Variants in FRMPD4 observed in about 807,000 individuals in gnomAD.
FRMPD4 encodes the protein FERM and PDZ domain containing 4.
In FRMPD4, 22 loss-of-function variants were observed where a neutral mutation model predicts 94.1. That is an observed-to-expected ratio of 0.23 (90% CI 0.17 to 0.33). FRMPD4 has a LOEUF of 0.33. Ranked by LOEUF, FRMPD4 falls within the 10% of genes least tolerant of loss-of-function variation. The pLI is 1.00. For synonymous variants in FRMPD4, 631 were observed against 548.6 expected (o/e 1.15, Z -2.10); for missense variants, 1,111 against 1,339.9 (o/e 0.83, Z 2.67).
intron 1 of FRMPD4, among the ~76,000 whole-genome samples, chrX:12,191,912 G>A (rs2056496906): frequency 9.0e-6 from 1 of 111,713 alleles, no homozygotes; most frequent in Non-Finnish European, 1.9e-5. Flanking sequence ...TATATTGATT[G>A]TAATAAATGT....
At chrX:12,347,298 C>T (rs928619024) in intron 1 of FRMPD4, among the ~76,000 whole-genome samples, 6 of 111,012 alleles carry the variant, frequency 5.4e-5, no homozygotes, top group Admixed American at 9.6e-5. Flanking sequence ...AGTGCAGTGG[C>T]GTGACCATAG....
chrX:11,826,171 A>G (rs773369581), intron 1 of FRMPD4, among the ~76,000 whole-genome samples: 59 of 111,981 alleles, frequency 5.3e-4, no homozygotes, highest in African/African-American at 1.8e-3. Context: ...TTATTTTTGG[A>G]TAGTCCAGGA....
intron 2 of FRMPD4, among the ~76,000 whole-genome samples, chrX:12,578,413 T>G (rs957788292): frequency 2.7e-5 from 3 of 111,734 alleles, no homozygotes; most frequent in African/African-American, 9.8e-5. Flanking sequence ...CAGATCTAAG[T>G]TGGGGCACAG....
chrX:12,328,650 G>C (rs1003974461), intron 1 of FRMPD4, among the ~76,000 whole-genome samples: 2 of 112,339 alleles, frequency 1.8e-5, no homozygotes, highest in Non-Finnish European at 3.8e-5. Flanking sequence ...CTCTTATTCT[G>C]ATGCAGACCT....
chrX:12,671,627 C>G (rs1358784985), intron 4 of FRMPD4, among the ~76,000 whole-genome samples: 1 of 110,549 alleles, frequency 9.0e-6, no homozygotes, highest in African/African-American at 3.3e-5. Flanking sequence ...GGAGAAATAC[C>G]TAATGTAAAT....
chrX:12,401,864 A>G (rs899696925), intron 1 of FRMPD4, among the ~76,000 whole-genome samples: 2 of 111,743 alleles, frequency 1.8e-5, no homozygotes, highest in Non-Finnish European at 3.8e-5. Flanking sequence ...TGTAGGAGCT[A>G]TTGTTCTCAA....
intron 3 of FRMPD4, among the ~76,000 whole-genome samples, chrX:12,025,369 G>T (rs1479111766): frequency 8.2e-5 from 9 of 109,757 alleles, no homozygotes; most frequent in South Asian, 4.0e-4. Context: ...TATCTCAGAG[G>T]CCATTCAAGG....
intron 2 of FRMPD4, among the ~76,000 whole-genome samples, chrX:12,549,040 T>C (rs1157648544): frequency 9.0e-6 from 1 of 111,674 alleles, no homozygotes; most frequent in Non-Finnish European, 1.9e-5. Flanking sequence ...TCTACTTCTT[T>C]GAAAAACTTC....
chrX:12,657,129 C>T (rs868301976), intron 4 of FRMPD4, among the ~76,000 whole-genome samples: 1 of 109,942 alleles, frequency 9.1e-6, no homozygotes, highest in Non-Finnish European at 1.9e-5. Flanking sequence ...GAGCTTAAAT[C>T]AACAACATTA....
chrX:11,957,443 T>C (rs953713165), intron 3 of FRMPD4, among the ~76,000 whole-genome samples: 2 of 111,409 alleles, frequency 1.8e-5, no homozygotes, highest in African/African-American at 3.3e-5. Flanking sequence ...CATATGCCTA[T>C]AGTCCCAGCT....
At chrX:12,432,243 G>A (rs1441915564) in intron 1 of FRMPD4, among the ~76,000 whole-genome samples, 1 of 112,189 alleles carries the variant, frequency 8.9e-6, no homozygotes, top group Admixed American at 9.4e-5. Flanking sequence ...TTCCCCTCCA[G>A]CACCTGCTAA....
intron 3 of FRMPD4, among the ~76,000 whole-genome samples, chrX:11,886,261 A>AT (rs2053844576): frequency 8.9e-6 from 1 of 112,138 alleles, no homozygotes; most frequent in Non-Finnish European, 1.9e-5. Flanking sequence ...GTTTTTGAAG[A>AT]TTTTTAAGGT....
At chrX:12,105,628 A>G (rs1054506364) in intron 3 of FRMPD4, among the ~76,000 whole-genome samples, 1 of 112,779 alleles carries the variant, frequency 8.9e-6, no homozygotes, top group Admixed American at 9.4e-5. Flanking sequence ...GATGATAACA[A>G]TACAGGCTCA....
chrX:12,064,702 A>T (rs2054907939), intron 3 of FRMPD4, among the ~76,000 whole-genome samples: 1 of 112,059 alleles, frequency 8.9e-6, no homozygotes, highest in Admixed American at 9.5e-5. Context: ...CCAGATTATT[A>T]TGTGATTCTT....
Position 12,394,634 on chromosome X carries a change from TCTCCCTTCCTTCACCCGC to T in FRMPD4, c.42-104039_42-104022del, listed in dbSNP as rs1358756934. Among the ~76,000 whole-genome samples the T allele has an allele frequency of 2.7e-5, 3 of 111,524 alleles. No homozygotes were observed. The East Asian group carries it at 8.4e-4, about 31-fold the overall frequency. On this transcript the variant is annotated intron_variant, in intron 1 of 16. Coordinates refer to ENST00000675598, the MANE Select transcript of FRMPD4 (RefSeq NM_001368397.1). The stretch of plus-strand genomic sequence containing the variant: ...ATATCCATTTGTTCTTTCCTCCTTT[TCTCCCTTCCTTCACCCGC>T]CTCCCTCCCTTCTCTTTTTTTCTTC...
At chrX:12,634,187 A>G (rs940508359) in intron 4 of FRMPD4, among the ~76,000 whole-genome samples, 1 of 112,447 alleles carries the variant, frequency 8.9e-6, no homozygotes, top group Admixed American at 9.4e-5. Context: ...TTTTTCCCCC[A>G]TGTAAGAAAT....
At chrX:11,921,217 G>A (rs1267449539) in intron 3 of FRMPD4, among the ~76,000 whole-genome samples, 1 of 111,908 alleles carries the variant, frequency 8.9e-6, no homozygotes, top group Non-Finnish European at 1.9e-5. Flanking sequence ...GAGGCTGGAA[G>A]TCCATTATCA....
Position 12,724,443 on chromosome X carries a change from G to A in FRMPD4, c.*2585G>A, listed in dbSNP as rs1331546491. On this transcript the variant is annotated 3_prime_UTR_variant, in exon 17 of 17. Transcript: ENST00000675598. ...ATTTTTATCTAGCTTTTTTATGTTT[G>A]TGTATGTTTTATAATGGCATAATAG... is the stretch of plus-strand genomic sequence containing the variant. The A allele has an allele frequency of 2.7e-5, 3 of 111,884 alleles. No homozygotes were observed. Among genetic ancestry groups the A allele is most frequent in the South Asian group, 3.7e-4 (1 of 2,670 alleles). The allele number at this position is 111,884 out of a possible 1,213,427, so 9.2% of individuals were successfully genotyped here.
At chrX:12,374,450 G>A (rs1165483072) in intron 1 of FRMPD4, among the ~76,000 whole-genome samples, 1 of 111,996 alleles carries the variant, frequency 8.9e-6, no homozygotes, top group Non-Finnish European at 1.9e-5. Flanking sequence ...CTCACTGCCT[G>A]GCCAGCTCTA....
Sources: gnomAD v4.1 joint callset for allele counts (sites outside exome capture counted in the v4.1 genomes callset) on GRCh38, gnomAD v4.1.1 for gene constraint, MANE v1.5 for transcripts, NCBI Gene and HGNC (gene_info 2026-07-23, HGNC 2026-07-21) for gene names.